CFAP47: variants seen among roughly 807,000 people sequenced by gnomAD.
CFAP47 encodes cilia- and flagella-associated protein 47.
In CFAP47, 29 loss-of-function variants were observed where a neutral mutation model predicts 148.1. The observed-to-expected ratio is 0.20, with a 90% CI of 0.15 to 0.27. The LOEUF (loss-of-function observed/expected upper bound fraction) is 0.27. Among genes scored for constraint, CFAP47 ranks in the 10% least tolerant of loss-of-function variants. The pLI is 1.00. For missense variants in CFAP47, 1,872 were observed against 1,697.5 expected, an observed-to-expected ratio of 1.10 and a Z score of -1.81; for synonymous variants, 664 against 577.3, an observed-to-expected ratio of 1.15 and a Z score of -2.15.
intron 57 of CFAP47, among the ~76,000 whole-genome samples, chrX:36,338,691 T>C (rs1198792670): frequency 8.9e-6 from 1 of 112,061 alleles, no homozygotes; most frequent in Admixed American, 9.5e-5. Context: ...CACATTCATT[T>C]CTAATGGGAT....
chrX:36,350,425 T>G (rs1941734101), intron 59 of CFAP47, among the ~76,000 whole-genome samples: 1 of 111,346 alleles, frequency 9.0e-6, no homozygotes, highest in Non-Finnish European at 1.9e-5. Flanking sequence ...ATTTGTAAGA[T>G]TCTCAGGTAT....
At chrX:36,215,565 C>T (rs1018291015) in intron 45 of CFAP47, among the ~76,000 whole-genome samples, 6 of 110,269 alleles carry the variant, frequency 5.4e-5, no homozygotes, top group African/African-American at 9.9e-5. Context: ...GTGGTGGCAG[C>T]GAAGGAATTG....
chrX:36,364,624 G>A (rs1398692922), intron 61 of CFAP47, among the ~76,000 whole-genome samples: 2 of 108,766 alleles, frequency 1.8e-5, no homozygotes, highest in Non-Finnish European at 3.8e-5. Context: ...TGCAGAAGTC[G>A]TAAGACAGGA....
intron 52 of CFAP47, among the ~76,000 whole-genome samples, chrX:36,300,274 A>G (rs1417019532): frequency 9.5e-6 from 1 of 105,059 alleles, no homozygotes; most frequent in African/African-American, 3.6e-5. Flanking sequence ...CAGAGCTGAG[A>G]TACCATCCCA....
At chrX:35,989,828 A>G in intron 16 of CFAP47, 1 of 184,554 alleles carries the variant, frequency 5.4e-6, no homozygotes, top group Non-Finnish European at 1.0e-5. Flanking sequence ...TGTTCTTAGA[A>G]ATATTAAAGA....
At chrX:36,148,308 T>C (rs1939262696) in intron 36 of CFAP47, among the ~76,000 whole-genome samples, 2 of 111,467 alleles carry the variant, frequency 1.8e-5, no homozygotes, top group Non-Finnish European at 3.8e-5. Context: ...GGTGATTAGA[T>C]ACTGAAGGTG....
intron 21 of CFAP47, among the ~76,000 whole-genome samples, chrX:36,006,469 A>T (rs185776708): frequency 4.4e-3 from 489 of 111,955 alleles, no homozygotes; most frequent in Non-Finnish European, 7.7e-3. Context: ...AGGCAGATTG[A>T]TTATCTGGTT....
intron 46 of CFAP47, among the ~76,000 whole-genome samples, chrX:36,232,453 G>A (rs1940378427): frequency 1.8e-5 from 2 of 111,265 alleles, no homozygotes; most frequent in African/African-American, 3.3e-5. Context: ...TGGGATTGGT[G>A]GTGATATCCC....
chrX:36,346,392 T>C (rs782722990), intron 57 of CFAP47, among the ~76,000 whole-genome samples: 1 of 111,434 alleles, frequency 9.0e-6, no homozygotes, highest in Admixed American at 9.7e-5. Context: ...GACTCATGCA[T>C]AGTAAATGTT....
chrX:36,142,907 C>T lies in CFAP47; in HGVS notation c.5536-2312C>T, dbSNP rs375168861. ...TCCCGTCACCCTAGATAGCCCTCTTCGGATCATACCCTATAGGTTGATTCC... is the reference window on the plus strand; with the variant it reads ...TCCCGTCACCCTAGATAGCCCTCTTTGGATCATACCCTATAGGTTGATTCC... On this transcript the variant is annotated intron_variant, in intron 35 of 63. Coordinates refer to ENST00000378653, the MANE Select transcript of CFAP47 (RefSeq NM_001304548.2). Among the ~76,000 whole-genome samples, 19 of 110,559 alleles carry T rather than the reference C, an allele frequency of 1.7e-4. No individual in the cohort carries two copies. In the East Asian group the frequency reaches 2.8e-3, roughly 17 times the overall value.
chrX:36,225,707 C>A (rs782801577), intron 45 of CFAP47, among the ~76,000 whole-genome samples: 2 of 111,252 alleles, frequency 1.8e-5, no homozygotes, highest in Non-Finnish European at 3.8e-5. Flanking sequence ...AGAGATCTGT[C>A]CCATTGGGCC....
At chrX:36,239,477 G>A (rs1940514101) in intron 48 of CFAP47, among the ~76,000 whole-genome samples, 1 of 112,225 alleles carries the variant, frequency 8.9e-6, no homozygotes, top group Non-Finnish European at 1.9e-5. Context: ...GTCAAAAGAA[G>A]AGACAGTGTA....
intron 42 of CFAP47, 22 bp from the exon 43 acceptor site, chrX:36,200,357 A>G: frequency 3.4e-6 from 1 of 296,263 alleles, no homozygotes; most frequent in Non-Finnish European, 5.9e-6. Context: ...GAAATTTAAT[A>G]CTATAATGTC....
chrX:36,349,648 A>G (rs782607904), intron 58 of CFAP47, among the ~76,000 whole-genome samples: 173 of 111,987 alleles, frequency 1.5e-3, no homozygotes, highest in Non-Finnish European at 2.6e-3. Flanking sequence ...TCTTTTAAGT[A>G]GTATCCTCCA....
Position 36,367,084 on chromosome X carries a change from T to C in CFAP47, c.9142T>C (p.Phe3048Leu). ...AVIDIEGVGL[F>L]KESVFELRLK... ...CATTGACATTGAAGGAGTTGGTTTA[T>C]TTAAGGAATCTGTTTTTGAACTTAG... Residue 3048 changes from phenylalanine to leucine, a missense_variant, in exon 62 of 64, where the codon TTT becomes CTT. Transcript: ENST00000378653. 1 of 1,159,543 alleles carries C rather than the reference T, an allele frequency of 8.6e-7. No homozygotes were observed. The highest frequency in any genetic ancestry group is 1.2e-6 in the Non-Finnish European group (1 of 867,843).
chrX:36,182,468 C>A (rs1258370560), intron 40 of CFAP47, among the ~76,000 whole-genome samples: 1 of 111,950 alleles, frequency 8.9e-6, no homozygotes, highest in African/African-American at 3.2e-5. Context: ...GCTTCTTTGG[C>A]ATAATGAGGC....
At chrX:36,344,256 AG>A (rs370776765) in intron 57 of CFAP47, among the ~76,000 whole-genome samples, 1,151 of 97,288 alleles carry the variant, frequency 0.012, 30 homozygotes, top group African/African-American at 0.056. Context: ...AAAGAGAGAA[AG>A]AAAAAAAAAA....
At position 36,384,991 on chromosome X, in the gene CFAP47, G is replaced by A. The variant is rs1556024928; in HGVS notation, c.9549G>A (p.Leu3183=). 1 of 1,155,746 alleles carries A rather than the reference G, an allele frequency of 8.7e-7. No homozygotes were observed. Among genetic ancestry groups the A allele is most frequent in the Admixed American group, 2.6e-5 (1 of 38,350 alleles). Residue 3183 remains leucine (L), a synonymous_variant, in exon 64 of 64, where the codon TTG becomes TTA. Transcript: ENST00000378653. The part of the protein sequence containing the change: ...GVSSTIKGAP[L]VKNQ ...CTTCCACCATCAAGGGTGCTCCTTT[G>A]GTGAAGAATCAATAAAATTTTTTTC...
chrX:36,037,458 G>T (rs1204065820), intron 24 of CFAP47, among the ~76,000 whole-genome samples: 1 of 110,284 alleles, frequency 9.1e-6, no homozygotes, highest in Non-Finnish European at 1.9e-5. Context: ...TACTTCCCAG[G>T]TTCAAACGAT....
Sources: gnomAD v4.1 joint callset for allele counts (sites outside exome capture counted in the v4.1 genomes callset) on GRCh38, gnomAD v4.1.1 for gene constraint, MANE v1.5 for transcripts, NCBI Gene and HGNC (gene_info 2026-07-23, HGNC 2026-07-21) for gene names.